CNTNAP5: variants seen among roughly 807,000 people sequenced by gnomAD.
CNTNAP5 encodes contactin-associated protein-like 5.
A neutral mutation model predicts 150.2 loss-of-function variants in CNTNAP5; 72 were observed. The ratio of observed to expected loss-of-function variants is 0.48; its 90% CI spans 0.40 to 0.58. The LOEUF (loss-of-function observed/expected upper bound fraction) is 0.58, where lower values mean the gene tolerates loss of function less well. Ranked by LOEUF, CNTNAP5 falls within the 20% of genes least tolerant of loss-of-function variation. CNTNAP5 has a pLI of 0.00. For synonymous variants in CNTNAP5, 672 were observed against 619.8 expected (o/e 1.08, Z -1.25); for missense variants, 1,636 against 1,626.2 (o/e 1.01, Z -0.10).
At chr2:124,046,608 C>T (rs1249212359) in intron 1 of CNTNAP5, among the ~76,000 whole-genome samples, 1 of 152,032 alleles carries the variant, frequency 6.6e-6, no homozygotes, top group Non-Finnish European at 1.5e-5. Context: ...TGTCAGGTGC[C>T]CACAGCAATT....
At chr2:124,650,333 G>A (rs147300182) in intron 13 of CNTNAP5, among the ~76,000 whole-genome samples, 8 of 152,254 alleles carry the variant, frequency 5.3e-5, no homozygotes, top group East Asian at 3.9e-4. Flanking sequence ...AGACAGTCCC[G>A]TAGAGGTGTG....
At chr2:124,134,265 G>T (rs1025793931) in intron 1 of CNTNAP5, among the ~76,000 whole-genome samples, 35 of 150,174 alleles carry the variant, frequency 2.3e-4, no homozygotes, top group African/African-American at 7.4e-4. Context: ...TAAAAGAAAA[G>T]AAAATTACAA....
At chr2:124,875,479 T>C (rs372418214) in intron 21 of CNTNAP5, among the ~76,000 whole-genome samples, 2 of 152,144 alleles carry the variant, frequency 1.3e-5, no homozygotes, top group East Asian at 1.9e-4. Flanking sequence ...TAGTTAACCA[T>C]TGTGTGACCT....
chr2:124,230,269 T>C (rs1573853236), intron 2 of CNTNAP5, among the ~76,000 whole-genome samples: 1 of 151,990 alleles, frequency 6.6e-6, no homozygotes, highest in East Asian at 1.9e-4. Flanking sequence ...CATGAGGAGA[T>C]GAGGGTTGGA....
intron 1 of CNTNAP5, among the ~76,000 whole-genome samples, chr2:124,203,336 C>T (rs1244771793): frequency 6.6e-6 from 1 of 152,186 alleles, no homozygotes; most frequent in African/African-American, 2.4e-5. Context: ...ACAGCACCCC[C>T]TCCTGGCTGC....
intron 6 of CNTNAP5, among the ~76,000 whole-genome samples, chr2:124,463,961 A>G (rs1693315700): frequency 6.6e-6 from 1 of 152,182 alleles, no homozygotes; most frequent in Non-Finnish European, 1.5e-5. Flanking sequence ...TAAATGGAGC[A>G]AATCAGAGTA....
chr2:124,632,426 T>C (rs1177006232), intron 12 of CNTNAP5, among the ~76,000 whole-genome samples: 1 of 152,108 alleles, frequency 6.6e-6, no homozygotes, highest in Non-Finnish European at 1.5e-5. Context: ...AGCTGAAAGC[T>C]GTTATCCTCA....
chr2:124,357,447 A>G lies in CNTNAP5; in HGVS notation c.382-59996A>G, dbSNP rs564613368. Among the ~76,000 whole-genome samples the G allele has an allele frequency of 4.9e-3, 749 of 151,942 alleles. 12 individuals are homozygous for G. Among genetic ancestry groups the G allele is most frequent in the African/African-American group, 0.017 (721 of 41,468 alleles). Reference sequence around the variant, plus strand: ...GGGTTTTTATGGTTTTAGGTCTAACATTTAAGTCTTTAATCCATCTTGAAT... The same window carrying G: ...GGGTTTTTATGGTTTTAGGTCTAACGTTTAAGTCTTTAATCCATCTTGAAT... On this transcript the variant is annotated intron_variant, in intron 3 of 23. Transcript: ENST00000682447.
chr2:124,729,818 A>G (rs967608401), intron 13 of CNTNAP5, among the ~76,000 whole-genome samples: 9 of 152,140 alleles, frequency 5.9e-5, no homozygotes, highest in African/African-American at 2.2e-4. Context: ...CTTGAATTAC[A>G]CTATCCAAAA....
intron 8 of CNTNAP5, among the ~76,000 whole-genome samples, chr2:124,517,418 G>A (rs551533432): frequency 2.6e-5 from 4 of 151,558 alleles, no homozygotes; most frequent in Non-Finnish European, 4.4e-5. Context: ...GAGGGTTGTG[G>A]TGTTGGTGAT....
chr2:124,429,045 C>T (rs1207287711), intron 4 of CNTNAP5, among the ~76,000 whole-genome samples: 1 of 152,114 alleles, frequency 6.6e-6, no homozygotes, highest in African/African-American at 2.4e-5. Flanking sequence ...TATAACCAGA[C>T]CCCATGCAGC....
At chr2:124,084,091 T>C (rs1467291267) in intron 1 of CNTNAP5, among the ~76,000 whole-genome samples, 1 of 152,136 alleles carries the variant, frequency 6.6e-6, no homozygotes, top group South Asian at 2.1e-4. Flanking sequence ...ATAAAAGCCC[T>C]GGTCATGTTT....
At chr2:124,219,612 T>C (rs1213350064) in intron 1 of CNTNAP5, among the ~76,000 whole-genome samples, 1 of 152,058 alleles carries the variant, frequency 6.6e-6, no homozygotes, top group Non-Finnish European at 1.5e-5. Flanking sequence ...GTGTGTGTGG[T>C]TTGTATTTTT....
Position 124,903,073 on chromosome 2 carries a change from G to T in CNTNAP5, c.3628G>T (p.Ala1210Ser). 1 of 1,591,954 alleles carries T rather than the reference G, an allele frequency of 6.3e-7. No homozygotes were observed. Among genetic ancestry groups the T allele is most frequent in the Non-Finnish European group, 8.6e-7 (1 of 1,167,894 alleles). ...CGFMVDSDVN[A>S]VTTVHSSSDP... Reference sequence around the variant, plus strand: ...CTTCATGGTGGACTCAGATGTGAATGCAGTGACCACGGTGCATTCTTCATC... The same window carrying T: ...CTTCATGGTGGACTCAGATGTGAATTCAGTGACCACGGTGCATTCTTCATC... Residue 1210 changes from alanine (A) to serine (S), a missense_variant, in exon 22 of 24, where the codon GCA becomes TCA. Coordinates refer to ENST00000682447, the MANE Select transcript of CNTNAP5 (RefSeq NM_001367498.1).
At chr2:124,911,376 A>G in intron 22 of CNTNAP5, 91 bp from the exon 23 acceptor site, 1 of 870,170 alleles carries the variant, frequency 1.1e-6, no homozygotes, top group Admixed American at 2.0e-5. Context: ...GGTGTAATGC[A>G]CAGGTGTGTC....
chr2:124,075,041 A>G (rs1682405041), intron 1 of CNTNAP5, among the ~76,000 whole-genome samples: 1 of 152,180 alleles, frequency 6.6e-6, no homozygotes, highest in Non-Finnish European at 1.5e-5. Flanking sequence ...TGACTTTTAA[A>G]AAATTGATGT....
chr2:124,294,773 A>G (rs1688379609), intron 3 of CNTNAP5, among the ~76,000 whole-genome samples: 1 of 152,238 alleles, frequency 6.6e-6, no homozygotes, highest in Non-Finnish European at 1.5e-5. Flanking sequence ...GGAAGTGAGT[A>G]CATGCCACAT....
intron 13 of CNTNAP5, among the ~76,000 whole-genome samples, chr2:124,677,267 G>C (rs34836625): frequency 1.2e-4 from 19 of 152,150 alleles, no homozygotes; most frequent in Non-Finnish European, 8.8e-5. Flanking sequence ...CCTCCCAGTG[G>C]GTTCATGGTC....
At chr2:124,336,153 A>G (rs929337441) in intron 3 of CNTNAP5, among the ~76,000 whole-genome samples, 1 of 152,160 alleles carries the variant, frequency 6.6e-6, no homozygotes, top group Non-Finnish European at 1.5e-5. Flanking sequence ...TTTGGAAATG[A>G]AATGGGACCA....
Sources: allele counts gnomAD v4.1 joint callset (sites outside exome capture counted in the v4.1 genomes callset), GRCh38; gene constraint gnomAD v4.1.1; transcripts MANE v1.5; gene names NCBI Gene and HGNC (gene_info 2026-07-23, HGNC 2026-07-21).